Variants in ZNF532 observed in about 807,000 individuals in gnomAD.
ZNF532 encodes the protein zinc finger protein 532.
In ZNF532, 22 loss-of-function variants were observed where a neutral mutation model predicts 89.3. The observed-to-expected ratio is 0.25, with a 90% CI of 0.18 to 0.35. The LOEUF (loss-of-function observed/expected upper bound fraction) is 0.35. Ranked by LOEUF, ZNF532 falls within the 10% of genes least tolerant of loss-of-function variation. The pLI is 1.00. For missense variants in ZNF532, 1,132 were observed against 1,643.4 expected (o/e 0.69, Z 5.38); for synonymous variants, 606 against 649.6 (o/e 0.93, Z 1.02).
At chr18:58,870,354 G>A (rs534578439) in intron 2 of ZNF532, among the ~76,000 whole-genome samples, 3 of 152,248 alleles carry the variant, frequency 2.0e-5, no homozygotes, top group East Asian at 3.9e-4. Context: ...CATGCCAAGC[G>A]TCCACAGAGG....
chr18:58,947,411 C>G (rs2063759648), intron 5 of ZNF532, among the ~76,000 whole-genome samples: 1 of 152,140 alleles, frequency 6.6e-6, no homozygotes, highest in Non-Finnish European at 1.5e-5. Context: ...ACATATTAGT[C>G]ATGGAAATAG....
intron 2 of ZNF532, among the ~76,000 whole-genome samples, chr18:58,871,723 A>C (rs1462226184): frequency 1.3e-5 from 2 of 152,152 alleles, no homozygotes; most frequent in East Asian, 1.9e-4. Context: ...TTTGAGGTAC[A>C]CTCAGGGCCT....
chr18:58,943,362 A>G (rs887796052), intron 5 of ZNF532, among the ~76,000 whole-genome samples: 2 of 151,134 alleles, frequency 1.3e-5, no homozygotes, highest in Admixed American at 6.6e-5. Context: ...GGGTTTCACC[A>G]TGTTAGCCAG....
chr18:58,889,823 G>T (rs1376873764), intron 2 of ZNF532, among the ~76,000 whole-genome samples: 1 of 151,476 alleles, frequency 6.6e-6, no homozygotes, highest in African/African-American at 2.4e-5. Context: ...GGTGGCTCAC[G>T]CCTGTAATCC....
intron 2 of ZNF532, among the ~76,000 whole-genome samples, chr18:58,871,647 A>G (rs543120433): frequency 1.6e-4 from 25 of 152,312 alleles, no homozygotes; most frequent in South Asian, 1.4e-3. Flanking sequence ...CAGCAAAGAC[A>G]CTGGCGCCGT....
At chr18:58,942,238 G>A (rs1050056891) in intron 5 of ZNF532, among the ~76,000 whole-genome samples, 8 of 150,558 alleles carry the variant, frequency 5.3e-5, no homozygotes, top group East Asian at 4.0e-4. Context: ...TAGCCAGGAT[G>A]GTCTCGAACT....
rs1197604183 is a variant in ZNF532 at position 58,948,188 on chromosome 18, C to A, written c.2827C>A (p.Leu943Ile). 3 of 1,613,704 alleles carry A rather than the reference C, an allele frequency of 1.9e-6. No individual in the cohort carries two copies. Among genetic ancestry groups the A allele is most frequent in the Admixed American group, 3.3e-5 (2 of 59,940 alleles). ...TGTTTTCAAGTGTCCAGACTGTTCT[C>A]TTTTATATGCACAGAAGCAACTTAT... is the stretch of plus-strand genomic sequence containing the variant. ...VSVFKCPDCS[L>I]LYAQKQLMMD... The change falls in exon 6 of 10, where the codon CTT (leucine) becomes ATT (isoleucine). Residue 943 changes from leucine to isoleucine, a missense_variant. By Grantham distance (5) the Leu-to-Ile change is conservative. Transcript: ENST00000591808.
intron 4 of ZNF532, among the ~76,000 whole-genome samples, chr18:58,938,833 T>A (rs2062697587): frequency 6.6e-6 from 1 of 152,228 alleles, no homozygotes; most frequent in South Asian, 2.1e-4. Flanking sequence ...ATCCAGCATA[T>A]GTAACCTCTC....
At chr18:58,888,768 ATAATT>A (rs2058560784) in intron 2 of ZNF532, among the ~76,000 whole-genome samples, 18 of 69,752 alleles carry the variant, frequency 2.6e-4, no homozygotes, top group African/African-American at 1.4e-3. Flanking sequence ...ATTAATATAT[ATAATT>A]TATATATATA....
At chr18:58,963,603 A>ATGTGTGTGTGTGTGTGTG (rs60644289) in intron 7 of ZNF532, among the ~76,000 whole-genome samples, 20 of 143,878 alleles carry the variant, frequency 1.4e-4, no homozygotes, top group African/African-American at 5.2e-4. Context: ...AAAGAAAAAA[A>ATGTGTGTGTGTGTGTGTG]TGTGTGTGTG....
intron 2 of ZNF532, among the ~76,000 whole-genome samples, chr18:58,879,790 C>T (rs1403857930): frequency 6.6e-6 from 1 of 152,110 alleles, no homozygotes; most frequent in East Asian, 1.9e-4. Context: ...GTGGATTTTC[C>T]TTCGTTCATT....
At chr18:58,967,019 G>T (rs2065988806) in intron 7 of ZNF532, among the ~76,000 whole-genome samples, 1 of 152,082 alleles carries the variant, frequency 6.6e-6, no homozygotes, top group Non-Finnish European at 1.5e-5. Flanking sequence ...CATCCCACTG[G>T]ATATTAAGTA....
At chr18:58,888,736 A>ATGAAT (rs1568245273) in intron 2 of ZNF532, among the ~76,000 whole-genome samples, 1 of 51,354 alleles carries the variant, frequency 1.9e-5, no homozygotes, top group Non-Finnish European at 2.9e-5. Flanking sequence ...AATTATATAT[A>ATGAAT]TATATTTTAT....
chr18:58,934,570 C>T lies in ZNF532; in HGVS notation c.2484C>T (p.His828=), dbSNP rs769354263. Residue 828 remains histidine, a synonymous_variant, in exon 4 of 10, where the codon CAC becomes CAT. Coordinates refer to ENST00000591808, the MANE Select transcript of ZNF532 (RefSeq NM_001375912.1). ...AICRSVHFQT[H]VTKNCLHYTR... The stretch of plus-strand genomic sequence containing the variant: ...GCAGGTCGGTGCACTTCCAGACCCA[C>T]GTCACCAAGAACTGTCTGCACTACA... 9 of 1,614,048 alleles carry T rather than the reference C, an allele frequency of 5.6e-6. No individual in the cohort carries two copies. The highest frequency in any genetic ancestry group is 4.5e-5 in the East Asian group (2 of 44,906).
In ZNF532 at chr18:58,939,453, A is replaced by G. The variant is rs200508347; in HGVS notation, c.2537A>G (p.His846Arg). The G allele has an allele frequency of 1.2e-6, 2 of 1,612,744 alleles. No homozygotes were observed. The highest frequency in any genetic ancestry group is 2.2e-5 in the East Asian group (1 of 44,858). The part of the protein sequence containing the change: ...YTRRVGFRCV[H>R]CNVVYSDVAA... Reference sequence around the variant, plus strand: ...GTTTATTTTTCTAACAGATGTGTGCATTGCAATGTTGTGTACTCTGATGTG... The same window carrying G: ...GTTTATTTTTCTAACAGATGTGTGCGTTGCAATGTTGTGTACTCTGATGTG... Residue 846 changes from histidine to arginine, a missense_variant, in exon 5 of 10, where the codon CAT (histidine) becomes CGT (arginine). By Grantham distance (29) the His-to-Arg change is conservative. Transcript: ENST00000591808.
At chr18:58,936,942 T>A (rs566172209) in intron 4 of ZNF532, among the ~76,000 whole-genome samples, 1 of 152,314 alleles carries the variant, frequency 6.6e-6, no homozygotes, top group African/African-American at 2.4e-5. Context: ...CGCCTTACTT[T>A]GTCTCGTCTT....
chr18:58,902,059 T>A (rs1172384169), intron 2 of ZNF532, among the ~76,000 whole-genome samples: 2 of 152,158 alleles, frequency 1.3e-5, no homozygotes, highest in Non-Finnish European at 2.9e-5. Flanking sequence ...CTTAGAGTGT[T>A]TGTTTCGGGG....
At chr18:58,883,481 G>A (rs1229592185) in intron 2 of ZNF532, among the ~76,000 whole-genome samples, 1 of 152,110 alleles carries the variant, frequency 6.6e-6, no homozygotes, top group African/African-American at 2.4e-5. Context: ...AGAGGGCCAG[G>A]GTCAGGGTCG....
intron 7 of ZNF532, chr18:58,977,566 C>T (rs1363308085): frequency 6.6e-6 from 1 of 152,224 alleles, no homozygotes; most frequent in African/African-American, 2.4e-5. Context: ...TGTAATCAGT[C>T]TGGGCATGGT....
Sources: gnomAD v4.1 joint callset for allele counts (sites outside exome capture counted in the v4.1 genomes callset) on GRCh38, gnomAD v4.1.1 for gene constraint, MANE v1.5 for transcripts, NCBI Gene and HGNC (gene_info 2026-07-23, HGNC 2026-07-21) for gene names.